LRCH3: variants seen among roughly 807,000 people sequenced by gnomAD.
The protein encoded by LRCH3 is DISP complex protein LRCH3.
A neutral mutation model predicts 104.5 loss-of-function variants in LRCH3; 68 were observed. The observed-to-expected ratio is 0.65, with a 90% CI of 0.54 to 0.80. LRCH3 has a LOEUF of 0.80. LRCH3 is among the 30% of genes least tolerant of loss of function. The pLI is 0.00. For missense variants in LRCH3, 951 were observed against 953.9 expected (o/e 1.00, Z 0.04); for synonymous variants, 344 against 361.3 (o/e 0.95, Z 0.54).
chr3:197,873,191 A>G (rs543242439), intron 19 of LRCH3, among the ~76,000 whole-genome samples: 10 of 152,332 alleles, frequency 6.6e-5, no homozygotes, highest in African/African-American at 2.4e-4. Context: ...TTCAACCTTC[A>G]GAAAAGTGGA....
At position 197,791,559 on chromosome 3, in the gene LRCH3, G is replaced by A. The variant is rs776890591; in HGVS notation, c.262+19G>A. On this transcript the variant is annotated intron_variant, in intron 1 of 20. Coordinates refer to ENST00000425562, the MANE Select transcript of LRCH3 (RefSeq NM_001365715.1). ...CGGGCGGGTGAGCGGGGCGGGGGGC[G>A]TCTCTGCCCGTCGGAGACCCGGCGC... The A allele has an allele frequency of 2.0e-6, 3 of 1,521,538 alleles. No homozygotes were observed. The highest frequency in any genetic ancestry group is 5.2e-5 in the East Asian group (2 of 38,452). The allele number at this position is 1,521,538 out of a possible 1,614,324, so 94.3% of individuals were successfully genotyped here.
Position 197,860,672 on chromosome 3 carries a change from T to G in LRCH3, c.1716+1767T>G, listed in dbSNP as rs570624010. Reference sequence around the variant, plus strand: ...ATGGGGTTCATGAGGTATTTTGATATAGGTATACAGTGCATAATAATTATA... The same window carrying G: ...ATGGGGTTCATGAGGTATTTTGATAGAGGTATACAGTGCATAATAATTATA... On this transcript the variant is annotated intron_variant, in intron 15 of 20. Transcript: ENST00000425562. Among the ~76,000 whole-genome samples the G allele has an allele frequency of 2.6e-5, 4 of 152,230 alleles. No homozygotes were observed. In the East Asian group the frequency reaches 5.8e-4, roughly 22 times the overall value.
chr3:197,865,256 G>A (rs1360326333), intron 15 of LRCH3, among the ~76,000 whole-genome samples, 167 bp from the exon 16 acceptor site: 1 of 152,126 alleles, frequency 6.6e-6, no homozygotes, highest in Non-Finnish European at 1.5e-5. Context: ...CCAAAGTACT[G>A]GGATTACAGG....
At chr3:197,866,288 G>A (rs1174889114) in intron 17 of LRCH3, 69 bp downstream of exon 17, 32 of 1,101,144 alleles carry the variant, frequency 2.9e-5, no homozygotes, top group Non-Finnish European at 4.3e-5. Context: ...CTGTTAGATG[G>A]ATGCTTTTAA....
intron 12 of LRCH3, chr3:197,848,256 C>T: frequency 4.6e-6 from 2 of 431,300 alleles, no homozygotes; most frequent in Non-Finnish European, 8.4e-6. Context: ...TATCCAGCTG[C>T]CATTTCCTCA....
intron 20 of LRCH3, 109 bp downstream of exon 20, chr3:197,875,884 C>G (rs926670710): frequency 4.6e-6 from 3 of 653,296 alleles, no homozygotes; most frequent in Non-Finnish European, 7.8e-6. Flanking sequence ...CTAAGTCGAT[C>G]ATAATTAACA....
At chr3:197,818,531 A>G (rs1734114576) in intron 3 of LRCH3, among the ~76,000 whole-genome samples, 1 of 152,226 alleles carries the variant, frequency 6.6e-6, no homozygotes, top group Non-Finnish European at 1.5e-5. Flanking sequence ...GGGAGAATCC[A>G]CAAATATATT....
chr3:197,816,442 G>T (rs1733810237), intron 2 of LRCH3, among the ~76,000 whole-genome samples: 1 of 151,958 alleles, frequency 6.6e-6, no homozygotes, highest in South Asian at 2.1e-4. Context: ...CTCCACGCCC[G>T]GCTAATTTTG....
chr3:197,879,499 A>T (rs971476331), intron 20 of LRCH3, among the ~76,000 whole-genome samples: 17 of 150,712 alleles, frequency 1.1e-4, no homozygotes, highest in Non-Finnish European at 2.4e-4. Context: ...ACAAAAAATT[A>T]GCCGGGCGTG....
intron 5 of LRCH3, 38 bp from the exon 6 acceptor site, chr3:197,829,526 G>T: frequency 7.5e-7 from 1 of 1,327,724 alleles, no homozygotes. Flanking sequence ...TACTTCAGAT[G>T]AGTAATAATT....
chr3:197,870,187 C>T lies in LRCH3; in HGVS notation c.1901C>T (p.Ala634Val). Residue 634 changes from alanine (A) to valine (V), a missense_variant, in exon 18 of 21, where the codon GCT becomes GTT. Transcript: ENST00000425562. Reference protein sequence around the residue: ...KGHASPLPPSAAPTTDSTDSI... With the variant: ...KGHASPLPPSVAPTTDSTDSI... ...CATGCTTCACCCCTTCCTCCATCTGCTGCACCTACCACTGATTCTACAGAT... is the reference window on the plus strand; with the variant it reads ...CATGCTTCACCCCTTCCTCCATCTGTTGCACCTACCACTGATTCTACAGAT... 1 of 1,612,896 alleles carries T rather than the reference C, an allele frequency of 6.2e-7. No homozygotes were observed.
At chr3:197,797,087 G>T (rs939870942) in intron 1 of LRCH3, among the ~76,000 whole-genome samples, 1 of 151,344 alleles carries the variant, frequency 6.6e-6, no homozygotes, top group African/African-American at 2.4e-5. Flanking sequence ...CAGCACTTTG[G>T]GGGGCCGAGG....
chr3:197,882,910 TA>T, intron 20 of LRCH3: 11 of 985,242 alleles, frequency 1.1e-5, no homozygotes, highest in Non-Finnish European at 1.3e-5. Flanking sequence ...TTTAATTCTG[TA>T]ATTCAGATTT....
intron 13 of LRCH3, among the ~76,000 whole-genome samples, chr3:197,853,490 C>G (rs911269658): frequency 5.3e-5 from 8 of 152,100 alleles, no homozygotes; most frequent in Non-Finnish European, 7.4e-5. Context: ...TGCGCCTGAC[C>G]CAGTTTGTTT....
At chr3:197,855,136 T>C (rs1260555563) in intron 14 of LRCH3, among the ~76,000 whole-genome samples, 4 of 152,212 alleles carry the variant, frequency 2.6e-5, no homozygotes, top group African/African-American at 9.7e-5. Flanking sequence ...AGAGGTCTAG[T>C]GCCTACAGTG....
At chr3:197,827,507 A>T (rs1262007323) in intron 5 of LRCH3, among the ~76,000 whole-genome samples, 7 of 152,236 alleles carry the variant, frequency 4.6e-5, no homozygotes, top group African/African-American at 1.7e-4. Flanking sequence ...ATGAAATTTA[A>T]AATTTCATGT....
rs140953278 is a variant in LRCH3, at chr3:197,879,967, A to G, written c.2209-3574A>G. Among the ~76,000 whole-genome samples, 322 of 145,900 alleles carry G rather than the reference A, an allele frequency of 2.2e-3. 1 individual carries two copies. Among genetic ancestry groups the G allele is most frequent in the African/African-American group, 7.2e-3 (280 of 38,780 alleles). The stretch of plus-strand genomic sequence containing the variant: ...ATTGTATTTTTTTTTTTTTTTTGAG[A>G]CGGAGTCTCGCTCTGTCACCCAGGC... On this transcript the variant is annotated intron_variant, in intron 20 of 20. Coordinates refer to ENST00000425562, the MANE Select transcript of LRCH3 (RefSeq NM_001365715.1).
chr3:197,884,095 T>C lies in LRCH3; in HGVS notation c.*429T>C, dbSNP rs1714005106. The C allele has an allele frequency of 6.4e-6, 1 of 157,420 alleles. No homozygotes were observed. Among genetic ancestry groups the C allele is most frequent in the Non-Finnish European group, 1.4e-5 (1 of 71,680 alleles). The allele number at this position is 157,420 out of a possible 1,614,324, so 9.8% of individuals were successfully genotyped here. On this transcript the variant is annotated 3_prime_UTR_variant, in exon 21 of 21. Transcript: ENST00000425562. ...CCTGGAGTATTTGTTAAAATACAGA[T>C]TCACATTCAGTAGAGCTGGGGTAAG...
intron 15 of LRCH3, chr3:197,859,187 A>T: frequency 2.5e-6 from 1 of 399,468 alleles, no homozygotes; most frequent in East Asian, 5.4e-5. Context: ...TTATTATTTC[A>T]CTTTGGTTAG....
Sources: allele counts gnomAD v4.1 joint callset (sites outside exome capture counted in the v4.1 genomes callset), GRCh38; gene constraint gnomAD v4.1.1; transcripts MANE v1.5; gene names NCBI Gene and HGNC (gene_info 2026-07-23, HGNC 2026-07-21).